The following CYLD variants were observed in gnomAD, a reference collection of about 807,000 sequenced individuals.
CYLD encodes ubiquitin carboxyl-terminal hydrolase CYLD.
Under a neutral mutation model 104.5 loss-of-function variants are expected in CYLD, and 26 were observed. The observed-to-expected ratio is 0.25, with a 90% CI of 0.18 to 0.35. CYLD has a LOEUF of 0.35. CYLD is among the 10% of genes least tolerant of loss of function. The probability of loss-of-function intolerance (pLI) is 1.00; values close to 1 mark genes in which losing one functional copy is unlikely to be tolerated. For missense variants in CYLD, 703 were observed against 1,136.1 expected, an observed-to-expected ratio of 0.62 and a Z score of 5.48; for synonymous variants, 385 against 399.9, an observed-to-expected ratio of 0.96 and a Z score of 0.45.
intron 2 of CYLD, among the ~76,000 whole-genome samples, chr16:50,748,972 C>CAGG (rs2150893041): frequency 6.6e-6 from 1 of 152,274 alleles, no homozygotes; most frequent in South Asian, 2.1e-4. Context: ...GAGGCCAAGA[C>CAGG]AGGAGGATTG....
chr16:50,796,611 C>G lies in CYLD; in HGVS notation c.*103C>G, dbSNP rs1972073649. On this transcript the variant is annotated 3_prime_UTR_variant, in exon 19 of 19. Coordinates refer to ENST00000427738, the MANE Select transcript of CYLD (RefSeq NM_001378743.1). Reference sequence around the variant, plus strand: ...CACGTCCATTGCCGGCAATGGATGTCTTTGTGGTGATGATCCTTCAGAAAA... The same window carrying G: ...CACGTCCATTGCCGGCAATGGATGTGTTTGTGGTGATGATCCTTCAGAAAA... The G allele has an allele frequency of 1.7e-6, 2 of 1,171,822 alleles. No homozygotes were observed. The highest frequency in any genetic ancestry group is 2.5e-6 in the Non-Finnish European group (2 of 794,294). 72.6% of individuals were successfully genotyped at this position (1,171,822 alleles called of 1,614,324 possible). A position where few individuals can be genotyped will look rare whatever the true frequency, so the allele number is the denominator to read the frequency against.
chr16:50,790,653 G>T (rs1971341985), intron 14 of CYLD, among the ~76,000 whole-genome samples: 1 of 151,450 alleles, frequency 6.6e-6, no homozygotes, highest in African/African-American at 2.4e-5. Context: ...TTTATTTGGG[G>T]ATATAAGTTG....
chr16:50,774,181 G>A (rs139022947), intron 5 of CYLD, among the ~76,000 whole-genome samples: 14 of 152,284 alleles, frequency 9.2e-5, no homozygotes, highest in African/African-American at 2.6e-4. Flanking sequence ...GTTAATAGTG[G>A]GAGTTGTTTT....
intron 5 of CYLD, 59 bp from the exon 6 acceptor site, chr16:50,775,107 A>T (rs1229083099): frequency 1.9e-5 from 28 of 1,508,488 alleles, no homozygotes; most frequent in Non-Finnish European, 2.4e-5. Context: ...AAATTTTCCT[A>T]TTTCTTTCTT....
intron 13 of CYLD, chr16:50,787,556 C>A: frequency 2.1e-6 from 1 of 465,764 alleles, no homozygotes; most frequent in Non-Finnish European, 3.9e-6. Context: ...TACACCCTTT[C>A]AAATGTAATA....
Position 50,767,152 on chromosome 16 carries a change from A to G in CYLD, c.914-8014A>G, listed in dbSNP as rs115237936. Reference sequence around the variant, plus strand: ...ACTTTCAGCAACCATCACCGTGATCAGTCAGCACCCATCCACACTGAGGCA... The same window carrying G: ...ACTTTCAGCAACCATCACCGTGATCGGTCAGCACCCATCCACACTGAGGCA... On this transcript the variant is annotated intron_variant, in intron 5 of 18. Coordinates refer to ENST00000427738, the MANE Select transcript of CYLD (RefSeq NM_001378743.1). Among the ~76,000 whole-genome samples the G allele has an allele frequency of 5.0e-3, 757 of 152,354 alleles. 17 individuals carry two copies. Among genetic ancestry groups the G allele is most frequent in the African/African-American group, 0.017 (715 of 41,592 alleles).
intron 5 of CYLD, among the ~76,000 whole-genome samples, chr16:50,767,848 T>C (rs891652882): frequency 1.3e-5 from 2 of 152,216 alleles, no homozygotes; most frequent in Non-Finnish European, 2.9e-5. Flanking sequence ...TCTTGGGTTC[T>C]ACAGTAGCAC....
intron 1 of CYLD, chr16:50,742,448 G>C (rs1965775315): frequency 8.4e-6 from 2 of 237,280 alleles, no homozygotes; most frequent in Non-Finnish European, 1.6e-5. Flanking sequence ...TTCCCGGGAG[G>C]GCTGCGAGTC....
At position 50,750,219 on chromosome 16, in the gene CYLD, AT is replaced by A; in HGVS notation, c.504+21del. On this transcript the variant is annotated intron_variant, in intron 3 of 18. Coordinates refer to ENST00000427738, the MANE Select transcript of CYLD (RefSeq NM_001378743.1). ...GAATTGCTGGTAAGTTTGATAAACC[AT>A]TTTAGTAGTGTGTTTGTTTGTGTTC... 1 of 1,613,156 alleles carries A rather than the reference AT, an allele frequency of 6.2e-7. No individual in the cohort carries two copies. Among genetic ancestry groups the A allele is most frequent in the Non-Finnish European group, 8.5e-7 (1 of 1,179,662 alleles).
intron 5 of CYLD, among the ~76,000 whole-genome samples, chr16:50,768,637 A>T (rs760029937): frequency 9.2e-5 from 14 of 152,210 alleles, no homozygotes; most frequent in African/African-American, 1.2e-4. Flanking sequence ...AACACTGCTA[A>T]CATATCTAAT....
intron 18 of CYLD, among the ~76,000 whole-genome samples, chr16:50,796,042 A>G (rs959014911): frequency 3.9e-5 from 6 of 152,164 alleles, no homozygotes; most frequent in Admixed American, 3.9e-4. Flanking sequence ...ATGTATTGAT[A>G]ATATGATTCA....
At chr16:50,751,981 CAT>C (rs1295381121) in intron 4 of CYLD, 75 bp downstream of exon 4, 5 of 114,532 alleles carry the variant, frequency 4.4e-5, no homozygotes, top group Admixed American at 3.3e-4. Flanking sequence ...TATATATAAA[CAT>C]ATATATACAC....
chr16:50,747,983 T>C (rs1404845635), intron 2 of CYLD, among the ~76,000 whole-genome samples: 1 of 152,236 alleles, frequency 6.6e-6, no homozygotes, highest in Non-Finnish European at 1.5e-5. Flanking sequence ...CTTCATTATC[T>C]AGCAGTGCTT....
At chr16:50,748,552 A>G (rs982927890) in intron 2 of CYLD, among the ~76,000 whole-genome samples, 2 of 152,274 alleles carry the variant, frequency 1.3e-5, no homozygotes, top group East Asian at 1.9e-4. Context: ...TGTCTTAAAA[A>G]TAAATAAATA....
In CYLD at chr16:50,787,021, G is replaced by GT. The variant is rs770685409; in HGVS notation, c.2041+76dup. On this transcript the variant is annotated intron_variant, in intron 13 of 18. Coordinates refer to ENST00000427738, the MANE Select transcript of CYLD (RefSeq NM_001378743.1). ...CATGTCAAAGTATTAGCTGAAATGT[G>GT]TGTCTGTGTAGTTGGGGGGTTTTCT... 1.8e-5 allele frequency: 23 copies of GT among 1,244,310 alleles called. No individual in the cohort carries two copies. In the African/African-American group the frequency reaches 2.9e-4, roughly 16 times the overall value. The allele number at this position is 1,244,310 out of a possible 1,614,324, so 77.1% of individuals were successfully genotyped here.
chr16:50,745,155 G>A (rs2150877730), intron 2 of CYLD, among the ~76,000 whole-genome samples: 1 of 152,206 alleles, frequency 6.6e-6, no homozygotes, highest in Admixed American at 6.5e-5. Flanking sequence ...GATTCAACCT[G>A]CAAAATAATA....
chr16:50,742,910 G>A, intron 2 of CYLD, 69 bp downstream of exon 2: 1 of 175,036 alleles, frequency 5.7e-6, no homozygotes, highest in Non-Finnish European at 1.2e-5. Context: ...GGGGGGCGGG[G>A]GCGAAGTCAT....
At chr16:50,792,292 A>C (rs1485894393) in intron 15 of CYLD, among the ~76,000 whole-genome samples, 3 of 152,230 alleles carry the variant, frequency 2.0e-5, no homozygotes, top group African/African-American at 7.2e-5. Context: ...TTGCAAAAAC[A>C]ATCTGTCCAA....
At chr16:50,763,598 G>A (rs999454326) in intron 5 of CYLD, among the ~76,000 whole-genome samples, 7 of 152,216 alleles carry the variant, frequency 4.6e-5, no homozygotes, top group African/African-American at 1.4e-4. Context: ...ATTGACTTTC[G>A]TGTGCTGATT....
Sources: allele counts gnomAD v4.1 joint callset (sites outside exome capture counted in the v4.1 genomes callset), GRCh38; gene constraint gnomAD v4.1.1; transcripts MANE v1.5; gene names NCBI Gene and HGNC (gene_info 2026-07-23, HGNC 2026-07-21).